The following PNLIPRP3 variants were observed in gnomAD, a reference collection of about 807,000 sequenced individuals.
PNLIPRP3 encodes pancreatic lipase related protein 3, also known as pancreatic lipase-related protein 3.
Under a neutral mutation model 52.8 loss-of-function variants are expected in PNLIPRP3, and 58 were observed. The ratio of observed to expected loss-of-function variants is 1.10; its 90% CI spans 0.89 to 1.37. The LOEUF is 1.37. PNLIPRP3 is among the 40% of genes most tolerant of loss of function. The pLI is 0.00. For missense variants in PNLIPRP3, 593 were observed against 561.6 expected (o/e 1.06, Z -0.57); for synonymous variants, 192 against 185.0 (o/e 1.04, Z -0.31).
At chr10:116,463,040 A>G (rs1227545607) in intron 7 of PNLIPRP3, among the ~76,000 whole-genome samples, 8 of 152,216 alleles carry the variant, frequency 5.3e-5, no homozygotes, top group Non-Finnish European at 1.5e-5. Context: ...CTAAATCACA[A>G]TTAATTGTGA....
At chr10:116,462,598 G>C (rs533549728) in intron 7 of PNLIPRP3, among the ~76,000 whole-genome samples, 103 of 152,196 alleles carry the variant, frequency 6.8e-4, no homozygotes, top group African/African-American at 2.4e-3. Context: ...CCACACAACT[G>C]TCTAATCTAC....
chr10:116,466,254 G>T (rs1342886239), intron 8 of PNLIPRP3, 86 bp downstream of exon 8: 2 of 990,064 alleles, frequency 2.0e-6, no homozygotes, highest in Non-Finnish European at 2.9e-6. Flanking sequence ...GCTTTGTGTA[G>T]GTAGCAAAAA....
Position 116,431,670 on chromosome 10 carries a change from C to G in PNLIPRP3, c.49+3609C>G, listed in dbSNP as rs114894295. 9.0e-3 allele frequency among the ~76,000 whole-genome samples: 1,375 copies of G among 152,162 alleles called. 24 individuals carry two copies. Among genetic ancestry groups the G allele is most frequent in the African/African-American group, 0.032 (1,312 of 41,502 alleles). ...TTGCTGCCAAACTAGTTACTGCAAACTAGAAAACAAATAAATGAACAAGCC... is the reference window on the plus strand; with the variant it reads ...TTGCTGCCAAACTAGTTACTGCAAAGTAGAAAACAAATAAATGAACAAGCC... On this transcript the variant is annotated intron_variant, in intron 1 of 11. Coordinates refer to ENST00000369230, the MANE Select transcript of PNLIPRP3 (RefSeq NM_001011709.3).
At chr10:116,453,832 A>T (rs983919507) in intron 4 of PNLIPRP3, among the ~76,000 whole-genome samples, 7 of 152,092 alleles carry the variant, frequency 4.6e-5, no homozygotes, top group African/African-American at 1.7e-4. Flanking sequence ...GGTTTTTTAC[A>T]TAGGTATAGA....
chr10:116,436,169 C>A (rs577500952), intron 1 of PNLIPRP3, among the ~76,000 whole-genome samples: 2 of 151,526 alleles, frequency 1.3e-5, no homozygotes, highest in African/African-American at 4.9e-5. Flanking sequence ...TGAACCCTTA[C>A]GCCATATACA....
chr10:116,476,072 G>A (rs955018494), intron 10 of PNLIPRP3, among the ~76,000 whole-genome samples: 9 of 152,072 alleles, frequency 5.9e-5, no homozygotes, highest in African/African-American at 2.2e-4. Flanking sequence ...GTTTCACTTT[G>A]CCTTGGATGG....
chr10:116,445,448 C>T (rs185285330), intron 4 of PNLIPRP3, among the ~76,000 whole-genome samples: 4 of 152,164 alleles, frequency 2.6e-5, no homozygotes, highest in East Asian at 3.9e-4. Context: ...ATTTATGCCC[C>T]GACACTTCTC....
chr10:116,439,284 T>C (rs1341762376), intron 2 of PNLIPRP3, among the ~76,000 whole-genome samples: 1 of 152,198 alleles, frequency 6.6e-6, no homozygotes, highest in South Asian at 2.1e-4. Flanking sequence ...CCGTGGCCAC[T>C]TCTTGTAAAC....
intron 1 of PNLIPRP3, among the ~76,000 whole-genome samples, chr10:116,431,461 T>A (rs977825430): frequency 1.3e-5 from 2 of 152,078 alleles, no homozygotes; most frequent in African/African-American, 2.4e-5. Flanking sequence ...GGGTTTTTTT[T>A]ATTATTTTGA....
At chr10:116,434,470 A>G (rs1276467918) in intron 1 of PNLIPRP3, among the ~76,000 whole-genome samples, 10 of 152,194 alleles carry the variant, frequency 6.6e-5, no homozygotes, top group African/African-American at 2.2e-4. Flanking sequence ...TTATTTTTAC[A>G]GAACTATTAA....
At position 116,461,364 on chromosome 10, in the gene PNLIPRP3, C is replaced by T. The variant is rs1270138982; in HGVS notation, c.808+74C>T. Reference sequence around the variant, plus strand: ...TCTCTCCTTAGATGGGATCCACCTACTTTTGTGTATAATATACATATAAAA... The same window carrying T: ...TCTCTCCTTAGATGGGATCCACCTATTTTTGTGTATAATATACATATAAAA... On this transcript the variant is annotated intron_variant, in intron 7 of 11. Transcript: ENST00000369230. The T allele has an allele frequency of 2.0e-6, 3 of 1,507,112 alleles. No homozygotes were observed. The African/African-American group carries it at 4.2e-5, about 21-fold the overall frequency. The allele number at this position is 1,507,112 out of a possible 1,614,324, so 93.4% of individuals were successfully genotyped here.
At chr10:116,466,252 T>TA in intron 8 of PNLIPRP3, 84 bp downstream of exon 8, 3 of 1,005,792 alleles carry the variant, frequency 3.0e-6, no homozygotes, top group Non-Finnish European at 4.3e-6. Flanking sequence ...GGGCTTTGTG[T>TA]AGGTAGCAAA....
At chr10:116,430,639 T>C (rs1323769737) in intron 1 of PNLIPRP3, among the ~76,000 whole-genome samples, 1 of 152,100 alleles carries the variant, frequency 6.6e-6, no homozygotes, top group Non-Finnish European at 1.5e-5. Context: ...AGGAGAGAAA[T>C]GTCTGCCTAA....
Position 116,460,991 on chromosome 10 carries a change from C to T in PNLIPRP3, c.591C>T (p.Phe197=), listed in dbSNP as rs1846182822. 6.2e-7 allele frequency: 1 copy of T among 1,612,414 alleles called. No homozygotes were observed. The highest frequency in any genetic ancestry group is 2.3e-5 in the East Asian group (1 of 43,296). The change falls in exon 6 of 12, where the codon TTC becomes TTT. Residue 197 remains phenylalanine (F), a synonymous_variant. Coordinates refer to ENST00000369230, the MANE Select transcript of PNLIPRP3 (RefSeq NM_001011709.3). ...GGTTGGACCCAGCTGGGCCATTTTT[C>T]CACAACACTCCAAAGGAAGTCAGGC... is the stretch of plus-strand genomic sequence containing the variant. The part of the protein sequence containing the change: ...ITGLDPAGPF[F]HNTPKEVRLD...
chr10:116,476,838 T>C lies in PNLIPRP3; in HGVS notation c.1340+19T>C. The C allele has an allele frequency of 6.4e-7, 1 of 1,551,186 alleles. No individual in the cohort carries two copies. The highest frequency in any genetic ancestry group is 1.9e-4 in the Middle Eastern group (1 of 5,234). On this transcript the variant is annotated intron_variant, in intron 11 of 11. Transcript: ENST00000369230. ...GATATAAGTAAGTATTGCTTTTTCC[T>C]TTTCATTTTCGTAGTTTACATTTTA...
intron 3 of PNLIPRP3, among the ~76,000 whole-genome samples, chr10:116,443,684 TATATATA>T (rs1845893564): frequency 7.3e-6 from 1 of 137,758 alleles, no homozygotes; most frequent in African/African-American, 2.7e-5. Flanking sequence ...TATAAACACA[TATATATA>T]AATTTAATTC....
chr10:116,433,565 C>A (rs568835153), intron 1 of PNLIPRP3, among the ~76,000 whole-genome samples: 2 of 152,254 alleles, frequency 1.3e-5, no homozygotes, highest in Admixed American at 6.5e-5. Context: ...AATCTACATA[C>A]CCTTCCATAG....
chr10:116,476,898 G>A (rs997697293), intron 11 of PNLIPRP3, 79 bp downstream of exon 11: 63 of 1,391,098 alleles, frequency 4.5e-5, no homozygotes, highest in Non-Finnish European at 5.9e-5. Flanking sequence ...AATTTGAAAT[G>A]TGCAAGTAGC....
intron 2 of PNLIPRP3, chr10:116,439,873 G>A (rs1845831895): frequency 2.5e-6 from 2 of 788,782 alleles, no homozygotes; most frequent in South Asian, 2.7e-5. Context: ...ATCAAATTTA[G>A]ATTTCTCTTT....
Sources: allele counts gnomAD v4.1 joint callset (sites outside exome capture counted in the v4.1 genomes callset), GRCh38; gene constraint gnomAD v4.1.1; transcripts MANE v1.5; gene names NCBI Gene and HGNC (gene_info 2026-07-23, HGNC 2026-07-21).